INCA1: variants seen among roughly 807,000 people sequenced by gnomAD.
The protein encoded by INCA1 is inhibitor of CDK, cyclin A1 interacting protein 1, also known as protein INCA1.
A neutral mutation model predicts 25.7 loss-of-function variants in INCA1; 28 were observed. The observed-to-expected ratio is 1.09, with a 90% confidence interval of 0.81 to 1.49. The LOEUF is 1.49. INCA1 is among the 40% of genes most tolerant of loss of function. INCA1 has a pLI of 0.00. For synonymous variants in INCA1, 111 were observed against 103.6 expected (o/e 1.07, Z -0.43); for missense variants, 309 against 290.9 (o/e 1.06, Z -0.45).
chr17:4,988,804 C>T (rs775202721), exon 6 of INCA1: 3 of 1,614,194 alleles, frequency 1.9e-6, no homozygotes, highest in Non-Finnish European at 2.5e-6. Flanking sequence ...AGTGAGAAAA[C>T]GGTCCTCTTC....
intron 4 of INCA1, 118 bp from the exon 5 acceptor site, chr17:4,989,742 A>G (rs1029115433): frequency 6.5e-7 from 1 of 1,544,696 alleles, no homozygotes; most frequent in Admixed American, 1.7e-5. Flanking sequence ...TCTCGAAAAC[A>G]TGATGACTGA....
At chr17:4,994,371 C>A (rs1974082504) in intron 2 of INCA1, 23 bp downstream of exon 2, 3 of 1,611,704 alleles carry the variant, frequency 1.9e-6, no homozygotes, top group Non-Finnish European at 2.5e-6. Flanking sequence ...TCCCCATGCT[C>A]CCCACCCAGT....
chr17:4,992,596 ATTTAT>A (rs1057274851), intron 2 of INCA1, among the ~76,000 whole-genome samples: 6 of 140,932 alleles, frequency 4.3e-5, no homozygotes, highest in South Asian at 2.2e-4. Flanking sequence ...TACTTGTTTT[ATTTAT>A]TTTTTCTTTC....
rs1304926444 is a variant in INCA1 at position 4,989,879 on chromosome 17, G to A, written c.198+11C>T. 8 of 1,614,216 alleles carry A rather than the reference G, an allele frequency of 5.0e-6. No homozygotes were observed. The highest frequency in any genetic ancestry group is 6.8e-6 in the Non-Finnish European group (8 of 1,180,044). On this transcript the variant is annotated intron_variant, in intron 4 of 6. Coordinates refer to ENST00000576820, the Ensembl canonical transcript of INCA1. ...ACAGAGAAATGTTAAACGGCAGAGGGTCTGTCTTACCAGCATGGGTGGAAT... is the reference window on the plus strand; with the variant it reads ...ACAGAGAAATGTTAAACGGCAGAGGATCTGTCTTACCAGCATGGGTGGAAT...
At position 4,995,443 on chromosome 17, in the gene INCA1, T is replaced by C. The variant is rs137871772; in HGVS notation, c.-38-968A>G. Among the ~76,000 whole-genome samples, 592 of 151,848 alleles carry C rather than the reference T, an allele frequency of 3.9e-3. 2 individuals carry two copies. Among genetic ancestry groups the C allele is most frequent in the Middle Eastern group, 6.8e-3 (2 of 294 alleles). On this transcript the variant is annotated intron_variant, in intron 1 of 6. Transcript: ENST00000576820. The stretch of plus-strand genomic sequence containing the variant: ...TGGGTGGGGTGGAGGCATTTGGGGG[T>C]AAGAGAAGTGACAGAATTGAGGGTT...
chr17:4,997,059 A>C (rs990170099), upstream of INCA1: 1 of 152,990 alleles, frequency 6.5e-6, no homozygotes, highest in Admixed American at 6.5e-5. Context: ...TCCACAGTTG[A>C]CTTCGGGGTA....
chr17:4,990,257 C>T (rs1457035020), exon 3 of INCA1: 6 of 1,613,286 alleles, frequency 3.7e-6, no homozygotes, highest in African/African-American at 1.3e-5. Context: ...GCTGACCACC[C>T]TGGAACACCT....
chr17:4,994,812 A>AG (rs1491359262), intron 1 of INCA1, among the ~76,000 whole-genome samples: 42 of 139,160 alleles, frequency 3.0e-4, no homozygotes, highest in African/African-American at 9.5e-4. Context: ...AAAAAAAAAA[A>AG]AGGCATTCAT....
chr17:4,989,970 A>G (rs369369458), intron 3 of INCA1, 41 bp from the exon 4 acceptor site: 1 of 1,613,580 alleles, frequency 6.2e-7, no homozygotes, highest in East Asian at 2.2e-5. Flanking sequence ...CAGAGGGGAC[A>G]TGTCCATCCA....
intron 1 of INCA1, among the ~76,000 whole-genome samples, chr17:4,996,513 C>T (rs1457180636): frequency 6.6e-6 from 1 of 151,494 alleles, no homozygotes; most frequent in East Asian, 1.9e-4. Context: ...GAAACCCAGT[C>T]TCTACTAAAA....
exon 7 of INCA1, chr17:4,988,274 G>A: frequency 9.8e-6 from 10 of 1,025,412 alleles, no homozygotes; most frequent in Non-Finnish European, 1.4e-5. Context: ...TAGTTCAGAG[G>A]ATGGGAAAGG....
At chr17:4,990,893 AT>A (rs1427722113) in intron 2 of INCA1, among the ~76,000 whole-genome samples, 1 of 150,888 alleles carries the variant, frequency 6.6e-6, no homozygotes, top group African/African-American at 2.4e-5. Flanking sequence ...CAAAAAAAAA[AT>A]TGCAAAAAAT....
exon 2 of INCA1, chr17:4,994,453 G>T (rs1567712838): frequency 6.2e-7 from 1 of 1,613,462 alleles, no homozygotes; most frequent in South Asian, 1.1e-5. Flanking sequence ...GACGGGGCTG[G>T]GTAGTTAGTC....
intron 1 of INCA1, among the ~76,000 whole-genome samples, chr17:4,995,134 G>GT (rs1384823628): frequency 2.0e-5 from 3 of 151,846 alleles, no homozygotes; most frequent in Non-Finnish European, 4.4e-5. Context: ...GAACCAGGGA[G>GT]TAGGAAGTTG....
chr17:4,996,157 G>T (rs1313348116), intron 1 of INCA1, among the ~76,000 whole-genome samples: 1 of 151,942 alleles, frequency 6.6e-6, no homozygotes, highest in Non-Finnish European at 1.5e-5. Flanking sequence ...GGCGGAAGTG[G>T]GTGGATTGCT....
chr17:4,995,954 A>T (rs1432890902), intron 1 of INCA1: 3 of 152,122 alleles, frequency 2.0e-5, no homozygotes, highest in Non-Finnish European at 4.4e-5. Flanking sequence ...AAAAGAAATT[A>T]AAAAAAGTTA....
intron 2 of INCA1, 135 bp downstream of exon 2, chr17:4,994,259 A>G: frequency 1.2e-6 from 1 of 811,062 alleles, no homozygotes; most frequent in South Asian, 1.5e-5. Context: ...TGAATAAATT[A>G]ATGAATCATC....
rs117381926 is a variant in INCA1 at position 4,991,552 on chromosome 17, C to G, written c.45-1287G>C. On this transcript the variant is annotated intron_variant, in intron 2 of 6. Coordinates refer to ENST00000576820, the Ensembl canonical transcript of INCA1. The stretch of plus-strand genomic sequence containing the variant: ...ACCCCACAGGCTGAATGATGATTGC[C>G]CTCCTGATCTCTAAGAAATGGAGTA... Among the ~76,000 whole-genome samples the G allele has an allele frequency of 4.4e-3, 669 of 152,286 alleles. 2 individuals are homozygous for G. Among genetic ancestry groups the G allele is most frequent in the Non-Finnish European group, 7.3e-3 (499 of 68,024 alleles).
At chr17:4,989,923 A>G (rs763586890) in exon 4 of INCA1, 2 of 1,614,128 alleles carry the variant, frequency 1.2e-6, no homozygotes, top group South Asian at 1.1e-5. Context: ...CCTCCAGCCA[A>G]GTGGGGCTGT....
Sources: gnomAD v4.1 joint callset for allele counts (sites outside exome capture counted in the v4.1 genomes callset) on GRCh38, gnomAD v4.1.1 for gene constraint, MANE v1.5 for transcripts, NCBI Gene and HGNC (gene_info 2026-07-23, HGNC 2026-07-21) for gene names.